CEP63: variants seen among roughly 807,000 people sequenced by gnomAD.
The protein encoded by CEP63 is centrosomal protein 63.
A neutral mutation model predicts 89.1 loss-of-function variants in CEP63; 84 were observed. That is an observed-to-expected ratio of 0.94 (90% CI 0.79 to 1.13). The LOEUF is 1.13. Ranked by LOEUF, CEP63 falls within the 50% of genes most tolerant of loss-of-function variation. CEP63 has a pLI of 0.00. For synonymous variants in CEP63, 267 were observed against 272.5 expected, an observed-to-expected ratio of 0.98 and a Z score of 0.20; for missense variants, 838 against 813.3, an observed-to-expected ratio of 1.03 and a Z score of -0.37.
chr3:134,778,123 G>A, the CEP63 span, among the ~76,000 whole-genome samples: 1 of 139,920 alleles, frequency 7.1e-6, no homozygotes, highest in African/African-American at 2.7e-5. Flanking sequence ...TTGAGACGGA[G>A]TTTCCCTCTT....
downstream of CEP63, among the ~76,000 whole-genome samples, chr3:134,567,494 C>G (rs1957828781): frequency 6.8e-6 from 1 of 146,062 alleles, no homozygotes; most frequent in Non-Finnish European, 1.5e-5. Flanking sequence ...GCCTCTGATG[C>G]ATGGCAGCTC....
At chr3:134,592,910 C>T in the CEP63 span, among the ~76,000 whole-genome samples, 1,026 of 152,188 alleles carry the variant, frequency 6.7e-3, 10 homozygotes, top group African/African-American at 0.024. Context: ...ACCTAGTCCC[C>T]GGAACCCTCA....
the CEP63 span, among the ~76,000 whole-genome samples, chr3:134,715,132 C>G: frequency 6.6e-6 from 1 of 152,158 alleles, no homozygotes; most frequent in African/African-American, 2.4e-5. Flanking sequence ...CTCATGGTTC[C>G]TGTAATTTGC....
At chr3:134,583,854 G>A (rs144466201) in intron 10 of CEP63, among the ~76,000 whole-genome samples, 1,920 of 151,978 alleles carry the variant, frequency 0.013, 45 homozygotes, top group African/African-American at 0.044. Flanking sequence ...CTTTTATTTC[G>A]TTGAGCAGAG....
chr3:134,607,569 G>A, the CEP63 span: 173 of 985,588 alleles, frequency 1.8e-4, no homozygotes, highest in African/African-American at 2.5e-3. Flanking sequence ...GCTGTGCAGC[G>A]TGCCCAGGCT....
the CEP63 span, among the ~76,000 whole-genome samples, chr3:134,683,484 A>T: frequency 2.6e-5 from 4 of 152,200 alleles, no homozygotes; most frequent in Admixed American, 2.6e-4. Flanking sequence ...TAAAGGGCCA[A>T]GAACTAAGTA....
the CEP63 span, among the ~76,000 whole-genome samples, chr3:134,694,186 T>C: frequency 6.6e-6 from 1 of 152,174 alleles, no homozygotes; most frequent in Non-Finnish European, 1.5e-5. Context: ...TAAGGTGGAC[T>C]CCATGCTAAT....
the CEP63 span, among the ~76,000 whole-genome samples, chr3:134,766,015 G>C: frequency 6.6e-6 from 1 of 152,194 alleles, no homozygotes; most frequent in South Asian, 2.1e-4. Context: ...GGCATTAGCT[G>C]AGCCTGACTC....
At chr3:134,653,289 A>C in the CEP63 span, among the ~76,000 whole-genome samples, 3 of 152,228 alleles carry the variant, frequency 2.0e-5, no homozygotes, top group East Asian at 3.9e-4. Context: ...GTGAGAACTT[A>C]GAATGTCTCC....
exon 11 of CEP63, among the ~76,000 whole-genome samples, chr3:134,587,714 A>G (rs1315565600): frequency 6.6e-6 from 1 of 152,080 alleles, no homozygotes; most frequent in Non-Finnish European, 1.5e-5. Context: ...ATGCTGGGAG[A>G]ACCACTGCTC....
the CEP63 span, among the ~76,000 whole-genome samples, chr3:134,628,635 TA>T: frequency 6.6e-6 from 1 of 152,374 alleles, no homozygotes; most frequent in South Asian, 2.1e-4. Flanking sequence ...GATAGAATGA[TA>T]AAGGTTCGAA....
In CEP63 at chr3:134,564,455, T is replaced by A; in HGVS notation, c.*2920T>A. On this transcript the variant is annotated 3_prime_UTR_variant, in exon 15 of 15. Coordinates refer to ENST00000675561, the MANE Select transcript of CEP63 (RefSeq NM_001353108.3). ...CTCATTGCTGTCATGGCACCCTGTGTGTGGCTCTGACCAGACTTTGCTATC... is the reference window on the plus strand; with the variant it reads ...CTCATTGCTGTCATGGCACCCTGTGAGTGGCTCTGACCAGACTTTGCTATC... 1 of 985,506 alleles carries A rather than the reference T, an allele frequency of 1.0e-6. No homozygotes were observed. The highest frequency in any genetic ancestry group is 1.2e-6 in the Non-Finnish European group (1 of 829,984). 61.0% of individuals were successfully genotyped at this position (985,506 alleles called of 1,614,324 possible). A position where few individuals can be genotyped will look rare whatever the true frequency, so the allele number is the denominator to read the frequency against.
Position 134,519,705 on chromosome 3 carries a change from TAACA to T in CEP63, c.223-12136_223-12133del, listed in dbSNP as rs1460956128. Among the ~76,000 whole-genome samples the T allele has an allele frequency of 5.3e-5, 8 of 152,294 alleles. No homozygotes were observed. In the East Asian group the frequency reaches 1.5e-3, roughly 29 times the overall value. ...AATATAAAACTGTTAGTCAAAATAT[TAACA>T]AACTAAATCCAGCAATATTTAGAAA... is the stretch of plus-strand genomic sequence containing the variant. On this transcript the variant is annotated intron_variant, in intron 3 of 14. Coordinates refer to ENST00000675561, the MANE Select transcript of CEP63 (RefSeq NM_001353108.3).
the CEP63 span, chr3:134,619,948 A>G: frequency 1.3e-5 from 2 of 152,248 alleles, no homozygotes; most frequent in Non-Finnish European, 2.9e-5. Flanking sequence ...TGGACCTCCT[A>G]CCTGTGCCAG....
chr3:134,537,392 T>C (rs1950977658), intron 6 of CEP63, 124 bp downstream of exon 6: 1 of 696,050 alleles, frequency 1.4e-6, no homozygotes, highest in African/African-American at 1.8e-5. Context: ...CCCTGCTCTC[T>C]TGTTTAGGAA....
chr3:134,612,441 G>A, the CEP63 span, among the ~76,000 whole-genome samples: 5 of 152,176 alleles, frequency 3.3e-5, no homozygotes, highest in Non-Finnish European at 7.3e-5. Context: ...AGAGCAGAAG[G>A]TGGTGGGGAG....
intron 3 of CEP63, among the ~76,000 whole-genome samples, chr3:134,531,072 C>T (rs79164635): frequency 0.016 from 2,491 of 152,230 alleles, 57 homozygotes; most frequent in African/African-American, 0.055. Flanking sequence ...TGGTGGAACT[C>T]GTTTCTCTGG....
the CEP63 span, among the ~76,000 whole-genome samples, chr3:134,643,144 G>A: frequency 1.3e-5 from 2 of 152,292 alleles, no homozygotes; most frequent in African/African-American, 4.8e-5. Flanking sequence ...GCAGCCTCTT[G>A]CTGCTTCCCA....
At chr3:134,591,200 A>G (rs1313949873), downstream of CEP63, among the ~76,000 whole-genome samples, 1 of 152,246 alleles carries the variant, frequency 6.6e-6, no homozygotes, top group Non-Finnish European at 1.5e-5. Flanking sequence ...TGTTGAAGGT[A>G]TGTCACCACT....
Sources: gnomAD v4.1 joint callset for allele counts (sites outside exome capture counted in the v4.1 genomes callset) on GRCh38, gnomAD v4.1.1 for gene constraint, MANE v1.5 for transcripts, NCBI Gene and HGNC (gene_info 2026-07-23, HGNC 2026-07-21) for gene names.